ABCA4: variants seen among roughly 807,000 people sequenced by gnomAD.
The protein encoded by ABCA4 is retinal-specific phospholipid-transporting ATPase ABCA4.
Under a neutral mutation model 263.7 loss-of-function variants are expected in ABCA4, and 196 were observed. That is an observed-to-expected ratio of 0.74 (90% confidence interval 0.66 to 0.84). ABCA4 has a LOEUF of 0.84. Among genes scored for constraint, ABCA4 ranks in the 40% least tolerant of loss-of-function variants. The probability of loss-of-function intolerance (pLI) is 0.00; values close to 1 mark genes in which losing one functional copy is unlikely to be tolerated. For missense variants in ABCA4, 2,792 were observed against 2,855.1 expected, an observed-to-expected ratio of 0.98 and a Z score of 0.50; for synonymous variants, 1,133 against 1,094.2, an observed-to-expected ratio of 1.04 and a Z score of -0.70.
Position 94,031,988 on chromosome 1 carries a change from G to A in ABCA4, c.3918C>T (p.Pro1306=), listed in dbSNP as rs1169043372. The A allele has an allele frequency of 1.2e-6, 2 of 1,613,862 alleles. No homozygotes were observed. Among genetic ancestry groups the A allele is most frequent in the Non-Finnish European group, 1.7e-6 (2 of 1,180,034 alleles). The change falls in exon 27 of 50, where the codon CCC becomes CCT. Residue 1306 remains proline, a synonymous_variant. Transcript: ENST00000370225. ...GGGGTGTCTGTCCAGCCTTCTCTCT[G>A]GGACCCAAGCAGGGGTGTCGGGGGT... The part of the protein sequence containing the change: ...NVNPRHPCLG[P]REKAGQTPQD...
chr1:94,045,756 T>C (rs1415408196), intron 19 of ABCA4: 3 of 456,302 alleles, frequency 6.6e-6, no homozygotes, highest in South Asian at 3.1e-5. Context: ...CCATTCACAC[T>C]GAACCGCCCT....
Position 94,025,049 on chromosome 1 carries a change from C to G in ABCA4, c.4540-1G>C, listed in dbSNP as rs754703493. ...GAATTTCCGTGCTGCGCTGTGTTCT[C>G]TGAGGCAATGAGACACCCACGTTAA... On this transcript the variant is annotated splice_acceptor_variant, in intron 30 of 49. Coordinates refer to ENST00000370225, the MANE Select transcript of ABCA4 (RefSeq NM_000350.3). LOFTEE classifies it high-confidence loss of function. The G allele has an allele frequency of 6.2e-7, 1 of 1,613,928 alleles. No homozygotes were observed.
At chr1:94,104,225 T>C (rs1662359802) in intron 4 of ABCA4, among the ~76,000 whole-genome samples, 1 of 152,166 alleles carries the variant, frequency 6.6e-6, no homozygotes, top group Non-Finnish European at 1.5e-5. Flanking sequence ...AGAAGAGCCT[T>C]ATGGGCCTGG....
At chr1:94,062,917 G>C (rs1210790473) in intron 12 of ABCA4, among the ~76,000 whole-genome samples, 164 bp from the exon 13 acceptor site, 1 of 152,094 alleles carries the variant, frequency 6.6e-6, no homozygotes, top group Non-Finnish European at 1.5e-5. Context: ...TCTCAGTTTT[G>C]AATATTAGCC....
Position 94,001,592 on chromosome 1 carries a change from C to T in ABCA4, c.6282+266G>A, listed in dbSNP as rs1340793772. The T allele has an allele frequency of 4.7e-6, 3 of 634,842 alleles. No individual in the cohort carries two copies. In the African/African-American group the frequency reaches 5.4e-5, roughly 11 times the overall value. 39.3% of individuals were successfully genotyped at this position (634,842 alleles called of 1,614,324 possible). On this transcript the variant is annotated intron_variant, in intron 45 of 49. Transcript: ENST00000370225. ...CCGCAGAGTGGGCTGAACTTCCCGGCTGTGAGCCGATGGCCCCACAGGAGA... is the reference window on the plus strand; with the variant it reads ...CCGCAGAGTGGGCTGAACTTCCCGGTTGTGAGCCGATGGCCCCACAGGAGA...
Position 94,042,905 on chromosome 1 carries a change from G to A in ABCA4, c.3191-7C>T, listed in dbSNP as rs772800688. 15 of 1,614,056 alleles carry A rather than the reference G, an allele frequency of 9.3e-6. No homozygotes were observed. Among genetic ancestry groups the A allele is most frequent in the Admixed American group, 1.7e-5 (1 of 60,006 alleles). ...AGCTTTCTCTGCATGCCACCTGGAG[G>A]CACAAGAAGGACGGGAGAGTTAAGG... On this transcript the variant is annotated splice_polypyrimidine_tract_variant and splice_region_variant and intron_variant, in intron 21 of 49. Transcript: ENST00000370225.
At chr1:94,081,853 A>G (rs1293058486) in intron 7 of ABCA4, among the ~76,000 whole-genome samples, 2 of 152,178 alleles carry the variant, frequency 1.3e-5, no homozygotes, top group Non-Finnish European at 2.9e-5. Flanking sequence ...GGCTCCCATA[A>G]TGCCATTTGG....
chr1:94,087,250 C>T (rs370178036), intron 6 of ABCA4, among the ~76,000 whole-genome samples: 6 of 152,146 alleles, frequency 3.9e-5, no homozygotes, highest in Non-Finnish European at 7.3e-5. Flanking sequence ...GTTGCCTAAA[C>T]GTCCTAATAA....
rs372391658 is a variant in ABCA4 at position 94,098,763 on chromosome 1, C to A, written c.768+31G>T. On this transcript the variant is annotated intron_variant, in intron 6 of 49. Coordinates refer to ENST00000370225, the MANE Select transcript of ABCA4 (RefSeq NM_000350.3). ...CTCTGCTACCCCAGGAATCACCTTG[C>A]AATTGGCGAGCAGCCAAACCCCTCC... 3 of 1,611,922 alleles carry A rather than the reference C, an allele frequency of 1.9e-6. No homozygotes were observed. In the African/African-American group the frequency reaches 4.0e-5, roughly 22 times the overall value.
intron 37 of ABCA4, 99 bp from the exon 38 acceptor site, chr1:94,014,789 G>A: frequency 2.0e-6 from 3 of 1,491,448 alleles, no homozygotes; most frequent in South Asian, 2.3e-5. Flanking sequence ...CTGAGGTGAT[G>A]TGTGTGAACT....
intron 3 of ABCA4, among the ~76,000 whole-genome samples, chr1:94,109,110 A>G (rs1397957131): frequency 6.6e-6 from 1 of 152,236 alleles, no homozygotes; most frequent in African/African-American, 2.4e-5. Context: ...TGTCTGGCCT[A>G]GCTACTACAT....
At chr1:94,013,853 C>A (rs192885333) in intron 38 of ABCA4, among the ~76,000 whole-genome samples, 15 of 152,112 alleles carry the variant, frequency 9.9e-5, no homozygotes, top group Non-Finnish European at 1.8e-4. Context: ...GGAGAAAGAC[C>A]GTATAGGGAT....
chr1:94,048,747 CAG>C (rs1269200706), intron 18 of ABCA4, 119 bp downstream of exon 18: 9 of 930,312 alleles, frequency 9.7e-6, no homozygotes, highest in Non-Finnish European at 1.6e-5. Context: ...CACTTGTCCA[CAG>C]AGAGAGTCAG....
rs3838277 is a variant in ABCA4, at chr1:94,057,108, T to TA, written c.2161-287dup. Among the ~76,000 whole-genome samples the TA allele has an allele frequency of 0.01, 1,548 of 152,300 alleles. 36 individuals are homozygous for TA. Among genetic ancestry groups the TA allele is most frequent in the Admixed American group, 0.047 (724 of 15,294 alleles). On this transcript the variant is annotated intron_variant, in intron 14 of 49. Coordinates refer to ENST00000370225, the MANE Select transcript of ABCA4 (RefSeq NM_000350.3). ...TACATCAGCAAACCAAAACCCAACTTAGAGAAACTTAACTAATCACAAACT... is the reference window on the plus strand; with the variant it reads ...TACATCAGCAAACCAAAACCCAACTTAAGAGAAACTTAACTAATCACAAACT...
At chr1:94,069,540 C>T (rs903173649) in intron 11 of ABCA4, among the ~76,000 whole-genome samples, 2 of 152,184 alleles carry the variant, frequency 1.3e-5, no homozygotes, top group African/African-American at 2.4e-5. Flanking sequence ...ACAAAGCGGG[C>T]GATGAATGCC....
Position 94,016,742 on chromosome 1 carries a change from G to A in ABCA4, c.5197-888C>T, listed in dbSNP as rs146194296. On this transcript the variant is annotated intron_variant, in intron 36 of 49. Coordinates refer to ENST00000370225, the MANE Select transcript of ABCA4 (RefSeq NM_000350.3). Reference sequence around the variant, plus strand: ...GATAGAGGTGTGTGCATACCTGTGTGTGTACATCCATATCTTCCCTAGTTC... The same window carrying A: ...GATAGAGGTGTGTGCATACCTGTGTATGTACATCCATATCTTCCCTAGTTC... Among the ~76,000 whole-genome samples, 1,162 of 152,282 alleles carry A rather than the reference G, an allele frequency of 7.6e-3. 5 individuals are homozygous for A. Among genetic ancestry groups the A allele is most frequent in the Non-Finnish European group, 0.012 (823 of 68,018 alleles).
At chr1:94,113,941 A>T in intron 1 of ABCA4, among the ~76,000 whole-genome samples, 1 of 152,146 alleles carries the variant, frequency 6.6e-6, no homozygotes, top group East Asian at 1.9e-4. Context: ...GGGGTTGGAG[A>T]TGTGGAATTA....
At chr1:94,018,774 T>C (rs1209323614) in intron 36 of ABCA4, among the ~76,000 whole-genome samples, 1 of 152,130 alleles carries the variant, frequency 6.6e-6, no homozygotes, top group East Asian at 1.9e-4. Context: ...ACCAATTCCT[T>C]TGACCCTGCA....
chr1:94,014,359 GAGGA>G lies in ABCA4; in HGVS notation c.5460+180_5460+183del, dbSNP rs1659660212. On this transcript the variant is annotated intron_variant, in intron 38 of 49. Transcript: ENST00000370225. ...GGGAGGAGGGAGGAGAAGAAGGAAAGAGGAAGGAAGGATGGGAGGAAGGAAGGAA... is the reference window on the plus strand; with the variant it reads ...GGGAGGAGGGAGGAGAAGAAGGAAAGAGGAAGGATGGGAGGAAGGAAGGAA... 9.1e-5 allele frequency among the ~76,000 whole-genome samples: 13 copies of G among 143,248 alleles called. 2 individuals are homozygous for G. The highest frequency in any genetic ancestry group is 4.0e-4 in the East Asian group (2 of 5,012). 94.0% of individuals were successfully genotyped at this position (143,248 alleles called of 152,430 possible).
Sources: allele counts gnomAD v4.1 joint callset (sites outside exome capture counted in the v4.1 genomes callset), GRCh38; gene constraint gnomAD v4.1.1; transcripts MANE v1.5; gene names NCBI Gene and HGNC (gene_info 2026-07-23, HGNC 2026-07-21).